The following EPHA4 variants were observed in gnomAD, a reference collection of about 807,000 sequenced individuals.
EPHA4 encodes the protein EPH receptor A4.
In EPHA4, 19 loss-of-function variants were observed where a neutral mutation model predicts 108.3. The ratio of observed to expected loss-of-function variants is 0.18; its 90% confidence interval spans 0.12 to 0.26. EPHA4 has a LOEUF of 0.26. Among genes scored for constraint, EPHA4 ranks in the 10% least tolerant of loss-of-function variants. The pLI, the probability that EPHA4 is intolerant of heterozygous loss-of-function variation, is 1.00. For missense variants in EPHA4, 917 were observed against 1,254.0 expected, an observed-to-expected ratio of 0.73 and a Z score of 4.06; for synonymous variants, 449 against 455.5, an observed-to-expected ratio of 0.99 and a Z score of 0.18.
intron 14 of EPHA4, among the ~76,000 whole-genome samples, chr2:221,431,057 T>A (rs1418713345): frequency 2.0e-5 from 3 of 152,074 alleles, no homozygotes; most frequent in Non-Finnish European, 4.4e-5. Flanking sequence ...TCTAACATCC[T>A]CCCCCTGCTT....
intron 3 of EPHA4, among the ~76,000 whole-genome samples, chr2:221,506,118 C>G (rs1220207556): frequency 1.3e-5 from 2 of 152,060 alleles, no homozygotes; most frequent in African/African-American, 4.8e-5. Context: ...CCAACCCTAT[C>G]TTGTGGGCAT....
chr2:221,429,883 T>C, intron 15 of EPHA4, 75 bp downstream of exon 15: 1 of 1,542,734 alleles, frequency 6.5e-7, no homozygotes, highest in Non-Finnish European at 8.8e-7. Flanking sequence ...AAGGCAGGAA[T>C]TTAAGTGAGT....
intron 3 of EPHA4, among the ~76,000 whole-genome samples, chr2:221,506,704 G>A (rs1008350702): frequency 6.6e-6 from 1 of 152,180 alleles, no homozygotes; most frequent in African/African-American, 2.4e-5. Context: ...GTTGAGCATA[G>A]TTAAAAATTA....
intron 5 of EPHA4, among the ~76,000 whole-genome samples, chr2:221,473,443 T>C (rs903725509): frequency 3.3e-5 from 5 of 151,438 alleles, no homozygotes; most frequent in Admixed American, 6.6e-5. Flanking sequence ...GAATTCTCTA[T>C]GTATTTGAGT....
At chr2:221,456,024 CA>C (rs1187440418) in intron 7 of EPHA4, among the ~76,000 whole-genome samples, 1 of 151,984 alleles carries the variant, frequency 6.6e-6, no homozygotes, top group African/African-American at 2.4e-5. Context: ...CAAACATGCC[CA>C]ATTTGGGTTC....
intron 6 of EPHA4, 46 bp downstream of exon 6, chr2:221,457,812 AGAAGGAAG>A (rs879197221): frequency 2.9e-5 from 46 of 1,585,488 alleles, no homozygotes; most frequent in Non-Finnish European, 3.5e-5. Context: ...AAGAAAACAA[AGAAGGAAG>A]GAAGGAAGGA....
At chr2:221,523,906 G>C (rs1382141764) in intron 3 of EPHA4, among the ~76,000 whole-genome samples, 1 of 152,150 alleles carries the variant, frequency 6.6e-6, no homozygotes, top group Non-Finnish European at 1.5e-5. Context: ...TATTTTTTGA[G>C]CACCTGGTAT....
rs148989985 is a variant in EPHA4, at chr2:221,560,848, C to T, written c.823+2883G>A. 6.5e-3 allele frequency among the ~76,000 whole-genome samples: 994 copies of T among 152,338 alleles called. 10 individuals are homozygous for T. The highest frequency in any genetic ancestry group is 0.022 in the African/African-American group (917 of 41,568). ...TTTCCTCGTCTCTATATTATTTCCACTGTGCCTGGGTGCTACTCTTGATGC... is the reference window on the plus strand; with the variant it reads ...TTTCCTCGTCTCTATATTATTTCCATTGTGCCTGGGTGCTACTCTTGATGC... On this transcript the variant is annotated intron_variant, in intron 3 of 17. Coordinates refer to ENST00000281821, the MANE Select transcript of EPHA4 (RefSeq NM_004438.5).
At chr2:221,471,659 C>A (rs1374010721) in intron 5 of EPHA4, among the ~76,000 whole-genome samples, 1 of 152,112 alleles carries the variant, frequency 6.6e-6, no homozygotes, top group East Asian at 1.9e-4. Context: ...TCTCCCCAAA[C>A]AATACATCTT....
At chr2:221,497,341 G>T (rs1237792910) in intron 4 of EPHA4, among the ~76,000 whole-genome samples, 1 of 152,210 alleles carries the variant, frequency 6.6e-6, no homozygotes, top group Non-Finnish European at 1.5e-5. Flanking sequence ...AGTGGTTACA[G>T]CCAAGGCGAT....
In EPHA4 at chr2:221,456,761, C is replaced by T. The variant is rs774050484; in HGVS notation, c.1455G>A (p.Glu485=). 8.1e-6 allele frequency: 13 copies of T among 1,613,762 alleles called. No homozygotes were observed. The East Asian group carries it at 1.1e-4, about 14-fold the overall frequency. Residue 485 remains glutamate, a synonymous_variant, in exon 7 of 18, where the codon GAG becomes GAA. Coordinates refer to ENST00000281821, the MANE Select transcript of EPHA4 (RefSeq NM_004438.5). ...CTGTCCGAACTATACGATAGCTTCG[C>T]TCATTCTGATCCTACATCATGGCAA... is the stretch of plus-strand genomic sequence containing the variant. ...EVKYYEKDQN[E]RSYRIVRTAA...
intron 4 of EPHA4, among the ~76,000 whole-genome samples, chr2:221,500,671 G>GT (rs1300228959): frequency 6.6e-6 from 1 of 152,104 alleles, no homozygotes; most frequent in Non-Finnish European, 1.5e-5. Context: ...CCGTCTACCT[G>GT]TTTCTCCTGC....
intron 3 of EPHA4, among the ~76,000 whole-genome samples, chr2:221,539,113 T>C (rs1379747346): frequency 6.6e-6 from 1 of 152,114 alleles, no homozygotes; most frequent in Non-Finnish European, 1.5e-5. Flanking sequence ...CACAGGGCCA[T>C]GACAATCCAG....
chr2:221,446,097 G>T lies in EPHA4; in HGVS notation c.1774+26C>A, dbSNP rs533283428. 1.3e-4 allele frequency: 201 copies of T among 1,494,078 alleles called. 1 individual carries two copies. In the East Asian group the frequency reaches 5.0e-3, roughly 37 times the overall value. 92.6% of individuals were successfully genotyped at this position (1,494,078 alleles called of 1,614,324 possible). A position where few individuals can be genotyped will look rare whatever the true frequency, so the allele number is the denominator to read the frequency against. ...AAACGTGTGACATGCTCTAAAAATAGAATTTTTTAATCCAATTTTTTGTAC... is the reference window on the plus strand; with the variant it reads ...AAACGTGTGACATGCTCTAAAAATATAATTTTTTAATCCAATTTTTTGTAC... On this transcript the variant is annotated intron_variant, in intron 9 of 17. Transcript: ENST00000281821.
intron 3 of EPHA4, among the ~76,000 whole-genome samples, chr2:221,533,465 G>T (rs1693578870): frequency 6.6e-6 from 1 of 152,012 alleles, no homozygotes; most frequent in Non-Finnish European, 1.5e-5. Context: ...CTCGGAGGGA[G>T]GAGGAAGCTG....
intron 3 of EPHA4, among the ~76,000 whole-genome samples, chr2:221,557,861 G>A (rs1025160111): frequency 1.1e-4 from 17 of 152,206 alleles, no homozygotes; most frequent in African/African-American, 3.4e-4. Context: ...TTCTCATAAG[G>A]AAGTTCTACT....
chr2:221,451,118 G>A (rs1690771958), intron 8 of EPHA4, among the ~76,000 whole-genome samples: 1 of 152,114 alleles, frequency 6.6e-6, no homozygotes, highest in Non-Finnish European at 1.5e-5. Context: ...TGAGGCTGAG[G>A]CATGAGAATC....
chr2:221,562,977 A>G (rs1357053681), intron 3 of EPHA4, among the ~76,000 whole-genome samples: 1 of 152,198 alleles, frequency 6.6e-6, no homozygotes, highest in Admixed American at 6.5e-5. Flanking sequence ...AAATACATAG[A>G]TTTCTTCAAA....
At chr2:221,554,861 G>C (rs531566802) in intron 3 of EPHA4, among the ~76,000 whole-genome samples, 1 of 152,168 alleles carries the variant, frequency 6.6e-6, no homozygotes, top group South Asian at 2.1e-4. Flanking sequence ...AGTGACCTAA[G>C]GCCTATTTTC....
Sources: allele counts gnomAD v4.1 joint callset (sites outside exome capture counted in the v4.1 genomes callset), GRCh38; gene constraint gnomAD v4.1.1; transcripts MANE v1.5; gene names NCBI Gene and HGNC (gene_info 2026-07-23, HGNC 2026-07-21).